EPN2: variants seen among roughly 807,000 people sequenced by gnomAD.
EPN2 encodes the protein epsin-2.
Under a neutral mutation model 61.7 loss-of-function variants are expected in EPN2, and 34 were observed. That is an observed-to-expected ratio of 0.55 (90% CI 0.42 to 0.73). The LOEUF is 0.73. Among genes scored for constraint, EPN2 ranks in the 30% least tolerant of loss-of-function variants. The pLI is 0.00. For missense variants in EPN2, 714 were observed against 839.2 expected (o/e 0.85, Z 1.84); for synonymous variants, 349 against 353.6 (o/e 0.99, Z 0.15).
At chr17:19,301,045 G>A (rs1219164493) in intron 4 of EPN2, among the ~76,000 whole-genome samples, 3 of 152,158 alleles carry the variant, frequency 2.0e-5, no homozygotes, top group African/African-American at 7.2e-5. Context: ...CATACACAGT[G>A]TGAGGGAGCA....
chr17:19,283,190 T>C lies in EPN2; in HGVS notation c.71T>C (p.Val24Ala). Residue 24 changes from valine (V) to alanine (A), a missense_variant, in exon 3 of 11, where the codon GTC becomes GCC. Val to Ala is a moderately conservative substitution (Grantham distance 64). Around this residue, in one of 2 missense-constraint regions of EPN2, gnomAD observed 304 missense variants for 417.4 expected, o/e 0.73. Coordinates refer to ENST00000314728, the MANE Select transcript of EPN2 (RefSeq NM_014964.5). The surrounding 1 kb of genome is among the most constrained non-coding windows in gnomAD (Gnocchi z 7.0). ...AATTACTCAGAGGCAGAAATCAAAG[T>C]CCGGGAAGCCACCTCCAATGACCCG... is the stretch of plus-strand genomic sequence containing the variant. ...VNNYSEAEIK[V>A]REATSNDPWG... 6.2e-7 allele frequency: 1 copy of C among 1,614,082 alleles called. No homozygotes were observed. Among genetic ancestry groups the C allele is most frequent in the South Asian group, 1.1e-5 (1 of 91,066 alleles).
Position 19,334,306 on chromosome 17 carries a change from G to T in EPN2, c.*52G>T, listed in dbSNP as rs1391101673. 8 of 1,349,544 alleles carry T rather than the reference G, an allele frequency of 5.9e-6. No individual in the cohort carries two copies. The highest frequency in any genetic ancestry group is 7.7e-6 in the Non-Finnish European group (8 of 1,035,160). 83.6% of individuals were successfully genotyped at this position (1,349,544 alleles called of 1,614,324 possible). On this transcript the variant is annotated 3_prime_UTR_variant, in exon 11 of 11. Coordinates refer to ENST00000314728, the MANE Select transcript of EPN2 (RefSeq NM_014964.5). The surrounding 1 kb of genome is among the most constrained non-coding windows in gnomAD (Gnocchi z 4.9). ...CACCTGTGCTGGAGGATGCCGAGCA[G>T]GGACTCTCGTCTGTGGGACGGGATC...
chr17:19,259,405 C>G (rs565393807), intron 1 of EPN2, among the ~76,000 whole-genome samples: 1 of 151,382 alleles, frequency 6.6e-6, no homozygotes, highest in Non-Finnish European at 1.5e-5. Flanking sequence ...CTCCACCTCC[C>G]GGGTTCACAC....
intron 1 of EPN2, among the ~76,000 whole-genome samples, chr17:19,277,537 A>C (rs1430185216): frequency 6.6e-6 from 1 of 152,126 alleles, no homozygotes; most frequent in Non-Finnish European, 1.5e-5. Flanking sequence ...AAATGTTTAC[A>C]GGCTGTCCTG....
In EPN2 at chr17:19,285,022, G is replaced by A. The variant is rs2045391226; in HGVS notation, c.596-598G>A. Among the ~76,000 whole-genome samples the A allele has an allele frequency of 6.6e-6, 1 of 152,208 alleles. No homozygotes were observed. Among genetic ancestry groups the A allele is most frequent in the African/African-American group, 2.4e-5 (1 of 41,448 alleles). ...AGGGTTAAATTGCACCAAAACAAATGAAGATTGCCCTTTAAGAAGTGAAAT... is the reference window on the plus strand; with the variant it reads ...AGGGTTAAATTGCACCAAAACAAATAAAGATTGCCCTTTAAGAAGTGAAAT... On this transcript the variant is annotated intron_variant, in intron 3 of 10. Coordinates refer to ENST00000314728, the MANE Select transcript of EPN2 (RefSeq NM_014964.5). The surrounding 1 kb of genome is among the most constrained non-coding windows in gnomAD (Gnocchi z 4.5).
intron 1 of EPN2, among the ~76,000 whole-genome samples, chr17:19,276,770 T>C (rs79669345): frequency 0.036 from 4,835 of 133,358 alleles, 346 homozygotes; most frequent in South Asian, 0.22. Context: ...TTTATGAGAA[T>C]AAGTTTTTTT....
chr17:19,291,737 G>T lies in EPN2; in HGVS notation c.766+5947G>T, dbSNP rs1339135627. 6.6e-5 allele frequency among the ~76,000 whole-genome samples: 10 copies of T among 152,318 alleles called. No individual in the cohort carries two copies. The East Asian group carries it at 1.4e-3, about 21-fold the overall frequency. Reference sequence around the variant, plus strand: ...TTACAGGCGTGAGCCATCGCGCCCGGCCTCATTCTTAAACCCAATGGGGAC... The same window carrying T: ...TTACAGGCGTGAGCCATCGCGCCCGTCCTCATTCTTAAACCCAATGGGGAC... On this transcript the variant is annotated intron_variant, in intron 4 of 10. Transcript: ENST00000314728.
At chr17:19,286,360 A>G (rs1021574227) in intron 4 of EPN2, among the ~76,000 whole-genome samples, 1 of 152,204 alleles carries the variant, frequency 6.6e-6, no homozygotes, top group Non-Finnish European at 1.5e-5. Context: ...TGTACTGTCA[A>G]TTCTAGGTCA....
At chr17:19,313,604 T>C (rs3826405) in intron 7 of EPN2, 290,493 of 300,018 alleles carry the variant, frequency 0.97, 141,069 homozygotes, top group African/African-American at 0.99. Context: ...ACACCCAGCG[T>C]CCCAGCTGAA....
intron 7 of EPN2, among the ~76,000 whole-genome samples, chr17:19,321,942 A>T (rs1487705600): frequency 6.6e-6 from 1 of 152,092 alleles, no homozygotes; most frequent in Non-Finnish European, 1.5e-5. Context: ...TGGGACAGAG[A>T]GCTGAGGACC....
rs1454367919 is a variant in EPN2 at position 19,281,606 on chromosome 17, C to T, written c.-293-349C>T. 3.9e-5 allele frequency among the ~76,000 whole-genome samples: 6 copies of T among 152,128 alleles called. No individual in the cohort carries two copies. The East Asian group carries it at 9.6e-4, about 24-fold the overall frequency. On this transcript the variant is annotated intron_variant, in intron 1 of 10. Coordinates refer to ENST00000314728, the MANE Select transcript of EPN2 (RefSeq NM_014964.5). ...AGAAACATCTTGAGAGTAAAGACCA[C>T]CACAGGAAGAAAGGGAGGCGCAGGT... is the stretch of plus-strand genomic sequence containing the variant.
intron 1 of EPN2, among the ~76,000 whole-genome samples, chr17:19,246,908 C>T (rs2044958588): frequency 6.6e-6 from 1 of 151,920 alleles, no homozygotes; most frequent in South Asian, 2.1e-4. Context: ...GCTGGGACTA[C>T]AGGCGCCCGC....
In EPN2 at chr17:19,334,560, A is replaced by C; in HGVS notation, c.*306A>C. 1 of 246,312 alleles carries C rather than the reference A, an allele frequency of 4.1e-6. No homozygotes were observed. 15.3% of individuals were successfully genotyped at this position (246,312 alleles called of 1,614,324 possible). Reference sequence around the variant, plus strand: ...TGCCCTTGCCCCTAACCTCAGCCCGAGGGTCTCCAGGATGTTGCCTGGCCC... The same window carrying C: ...TGCCCTTGCCCCTAACCTCAGCCCGCGGGTCTCCAGGATGTTGCCTGGCCC... On this transcript the variant is annotated 3_prime_UTR_variant, in exon 11 of 11. Coordinates refer to ENST00000314728, the MANE Select transcript of EPN2 (RefSeq NM_014964.5). This position sits in a 1 kb window ranked among gnomAD's most constrained non-coding sequence, Gnocchi z 4.9.
chr17:19,287,229 C>T (rs2045414469), intron 4 of EPN2, among the ~76,000 whole-genome samples: 1 of 152,028 alleles, frequency 6.6e-6, no homozygotes, highest in Non-Finnish European at 1.5e-5. Context: ...TTGGATATCG[C>T]TCCCACCACC....
intron 4 of EPN2, among the ~76,000 whole-genome samples, chr17:19,306,736 A>G (rs767079710): frequency 6.6e-6 from 1 of 152,174 alleles, no homozygotes; most frequent in Non-Finnish European, 1.5e-5. Context: ...TAGCTGTGCA[A>G]CTCAGTACCA....
In EPN2 at chr17:19,283,543, G is replaced by A. The variant is rs377337201; in HGVS notation, c.424G>A (p.Ala142Thr). ...ALLKDEERLK[A>T]ERAQALKTKE... ...CCTCAAGGACGAGGAACGGTTGAAG[G>A]CTGAGAGGGCCCAGGCTCTCAAAAC... The change falls in exon 3 of 11, where the codon GCT (alanine) becomes ACT (threonine). Residue 142 changes from alanine to threonine, a missense_variant. Ala to Thr is a moderately conservative substitution (Grantham distance 58, BLOSUM62 0). Around this residue, in one of 2 missense-constraint regions of EPN2, gnomAD observed 304 missense variants for 417.4 expected, o/e 0.73. Transcript: ENST00000314728. This position sits in a 1 kb window ranked among gnomAD's most constrained non-coding sequence, Gnocchi z 7.0. 6.2e-6 allele frequency: 10 copies of A among 1,614,240 alleles called. No homozygotes were observed. The highest frequency in any genetic ancestry group is 8.5e-6 in the Non-Finnish European group (10 of 1,180,042).
chr17:19,284,603 C>T (rs767114777), intron 3 of EPN2, among the ~76,000 whole-genome samples: 1 of 152,170 alleles, frequency 6.6e-6, no homozygotes, highest in Non-Finnish European at 1.5e-5. Flanking sequence ...AAGTGCAGAT[C>T]CCTAGTAACA....
intron 1 of EPN2, among the ~76,000 whole-genome samples, chr17:19,239,975 T>G (rs1294185691): frequency 6.6e-6 from 1 of 151,500 alleles, no homozygotes; most frequent in Non-Finnish European, 1.5e-5. Context: ...GTTGAAAAGT[T>G]TTCGGACTTT....
chr17:19,293,533 G>T (rs2045485506), intron 4 of EPN2, among the ~76,000 whole-genome samples: 1 of 101,534 alleles, frequency 9.8e-6, no homozygotes. Context: ...ACCATACCCA[G>T]CTTTTTTTTT....
Sources: allele counts gnomAD v4.1 joint callset (sites outside exome capture counted in the v4.1 genomes callset), GRCh38; gene constraint gnomAD v4.1.1; regional missense constraint gnomAD v4.1.1; non-coding constraint Gnocchi (gnomAD v3.1); transcripts MANE v1.5; gene names NCBI Gene and HGNC (gene_info 2026-07-23, HGNC 2026-07-21).